Variants in FSCN2 observed in about 807,000 individuals in gnomAD.
The protein encoded by FSCN2 is fascin-2.
In FSCN2, 46 loss-of-function variants were observed where a neutral mutation model predicts 37.8. That is an observed-to-expected ratio of 1.22 (90% CI 0.96 to 1.56). FSCN2 has a LOEUF of 1.56. FSCN2 is among the 40% of genes most tolerant of loss of function. FSCN2 has a pLI of 0.00. For missense variants in FSCN2, 844 were observed against 730.4 expected, an observed-to-expected ratio of 1.16 and a Z score of -1.79; for synonymous variants, 351 against 309.4, an observed-to-expected ratio of 1.13 and a Z score of -1.41.
chr17:81,528,089 C>T (rs782726079), upstream of FSCN2, among the ~76,000 whole-genome samples: 15 of 152,046 alleles, frequency 9.9e-5, no homozygotes, highest in Admixed American at 9.2e-4. Flanking sequence ...GGAGCCCACA[C>T]GGGGTTGGAG....
chr17:81,521,363 CT>C, the FSCN2 span, among the ~76,000 whole-genome samples: 1,348 of 134,556 alleles, frequency 0.01, 6 homozygotes, highest in Non-Finnish European at 0.014. Flanking sequence ...CCAAGCCCAG[CT>C]TTTTTTTTTT....
intron 1 of FSCN2, among the ~76,000 whole-genome samples, chr17:81,532,115 G>C (rs2032673464): frequency 7.0e-6 from 1 of 143,072 alleles, no homozygotes; most frequent in African/African-American, 2.6e-5. Context: ...TAGTGATGGC[G>C]ATGATGGTGA....
chr17:81,528,068 G>A (rs112406090), upstream of FSCN2, among the ~76,000 whole-genome samples: 316 of 151,632 alleles, frequency 2.1e-3, no homozygotes, highest in African/African-American at 6.9e-3. Context: ...GGGCTGGGCC[G>A]GGCCGGGCCG....
chr17:81,536,086 G>A, intron 2 of FSCN2, 60 bp from the exon 3 acceptor site: 1 of 1,570,546 alleles, frequency 6.4e-7, no homozygotes, highest in East Asian at 2.3e-5. Flanking sequence ...GGATGGGGAA[G>A]TGAGACCCTG....
chr17:81,531,318 ATGATGGTGGTGG>A (rs2032562935), intron 1 of FSCN2, among the ~76,000 whole-genome samples: 2 of 39,902 alleles, frequency 5.0e-5, no homozygotes, highest in South Asian at 6.7e-4. Flanking sequence ...GGTGGTGGTG[ATGATGGTGGTGG>A]TGGTGATGGT....
At chr17:81,529,599 G>T in intron 1 of FSCN2, 1 of 736,354 alleles carries the variant, frequency 1.4e-6, no homozygotes, top group Non-Finnish European at 2.5e-6. Flanking sequence ...AGGGTTCCTG[G>T]CCTTTCTCAG....
rs1186586476 is a variant in FSCN2 at position 81,536,744 on chromosome 17, G to A, written c.1228G>A (p.Asp410Asn). ...NQLDTNRSVY[D>N]VFHLSFSDGA... Reference sequence around the variant, plus strand: ...GCTGGACACCAACCGCTCCGTCTACGACGTCTTCCACCTGAGCTTCAGCGA... The same window carrying A: ...GCTGGACACCAACCGCTCCGTCTACAACGTCTTCCACCTGAGCTTCAGCGA... The change falls in exon 4 of 5, where the codon GAC (aspartate) becomes AAC (asparagine). Residue 410 changes from aspartate (D) to asparagine (N), a missense_variant. Asp to Asn is a conservative substitution (Grantham distance 23). Transcript: ENST00000417245. The A allele has an allele frequency of 4.3e-6, 7 of 1,610,564 alleles. No homozygotes were observed. Among genetic ancestry groups the A allele is most frequent in the Non-Finnish European group, 5.1e-6 (6 of 1,179,108 alleles).
intron 1 of FSCN2, chr17:81,530,474 T>G (rs2032514275): frequency 2.5e-6 from 1 of 395,158 alleles, no homozygotes; most frequent in Non-Finnish European, 4.9e-6. Context: ...GGGCAGTCAC[T>G]ACCCACCTGG....
chr17:81,528,660 G>T lies in FSCN2; in HGVS notation c.129G>T (p.Lys43Asn), dbSNP rs559823034. The change falls in exon 1 of 5, where the codon AAG (lysine) becomes AAT (asparagine). Residue 43 changes from lysine (K) to asparagine (N), a missense_variant. Coordinates refer to ENST00000417245, the MANE Select transcript of FSCN2 (RefSeq NM_012418.4). ...CCTCGGCACCCAGCCTCAAGAGGAA[G>T]CAGACCTGGGTGCTGGAACCCGACC... The part of the protein sequence containing the change: ...VNASAPSLKR[K>N]QTWVLEPDPG... 7.5e-6 allele frequency: 12 copies of T among 1,602,620 alleles called. No individual in the cohort carries two copies. In the South Asian group the frequency reaches 1.1e-4, roughly 15 times the overall value.
In FSCN2 at chr17:81,536,630, GAA is replaced by G. The variant is rs887924064; in HGVS notation, c.1115_1116del (p.Glu372GlyfsTer83). ...AAISDFVGKD[E>X]EFTLKLINRP... The stretch of plus-strand genomic sequence containing the variant: ...GACGCTCTCCCCGCCAGGCAAGGAC[GAA>G]GAGTTCACCCTCAAGCTCATCAACC... On this transcript the variant is annotated frameshift_variant, in exon 4 of 5. Coordinates refer to ENST00000417245, the MANE Select transcript of FSCN2 (RefSeq NM_012418.4). LOFTEE classifies it high-confidence loss of function. The G allele has an allele frequency of 6.2e-7, 1 of 1,609,862 alleles. No homozygotes were observed. Among genetic ancestry groups the G allele is most frequent in the Admixed American group, 1.7e-5 (1 of 59,984 alleles).
chr17:81,515,078 C>G, the FSCN2 span, among the ~76,000 whole-genome samples: 1 of 146,454 alleles, frequency 6.8e-6, no homozygotes, highest in East Asian at 2.1e-4. Flanking sequence ...TGGGGAGTCC[C>G]GGGACCGACG....
In FSCN2 at chr17:81,529,372, G is replaced by A. The variant is rs782281388; in HGVS notation, c.826+15G>A. 3 of 1,522,128 alleles carry A rather than the reference G, an allele frequency of 2.0e-6. No individual in the cohort carries two copies. The highest frequency in any genetic ancestry group is 1.3e-5 in the South Asian group (1 of 76,990). The allele number at this position is 1,522,128 out of a possible 1,614,324, so 94.3% of individuals were successfully genotyped here. A position where few individuals can be genotyped will look rare whatever the true frequency, so the allele number is the denominator to read the frequency against. On this transcript the variant is annotated intron_variant, in intron 1 of 4. Transcript: ENST00000417245. ...TGTGCGGCAAGGTAGGGAGGGCACA[G>A]GTGGCGACCTCCTGAGGGGTGCTGG...
At chr17:81,536,016 G>C in intron 2 of FSCN2, 130 bp from the exon 3 acceptor site, 8 of 1,157,632 alleles carry the variant, frequency 6.9e-6, no homozygotes, top group Admixed American at 2.2e-5. Flanking sequence ...GGTAGCGCCT[G>C]ATGGTGGTGG....
At chr17:81,531,348 A>ATGG (rs1568077210) in intron 1 of FSCN2, among the ~76,000 whole-genome samples, 2 of 24,996 alleles carry the variant, frequency 8.0e-5, no homozygotes, top group Admixed American at 3.9e-4. Flanking sequence ...GGTGGTGGTG[A>ATGG]TGATGGTGAT....
At position 81,535,033 on chromosome 17, in the gene FSCN2, C is replaced by T; in HGVS notation, c.827-19C>T. The T allele has an allele frequency of 6.6e-7, 1 of 1,514,716 alleles. No individual in the cohort carries two copies. Among genetic ancestry groups the T allele is most frequent in the Non-Finnish European group, 8.8e-7 (1 of 1,134,636 alleles). 93.8% of individuals were successfully genotyped at this position (1,514,716 alleles called of 1,614,324 possible). ...TACCCAGGAGAGGCGTGAGGGGCTT[C>T]CCCATCTCCTCCCTCCAGGGGTCAA... On this transcript the variant is annotated intron_variant, in intron 1 of 4. Coordinates refer to ENST00000417245, the MANE Select transcript of FSCN2 (RefSeq NM_012418.4).
Position 81,528,782 on chromosome 17 carries a change from C to T in FSCN2, c.251C>T (p.Pro84Leu), listed in dbSNP as rs373682711. The change falls in exon 1 of 5, where the codon CCG (proline) becomes CTG (leucine). Residue 84 changes from proline to leucine, a missense_variant. Transcript: ENST00000417245. ...DGRVACEAEQPGRDCRFLVLP... is the reference protein window; with the variant it reads ...DGRVACEAEQLGRDCRFLVLP... ...CGCGTGGCCTGTGAGGCAGAGCAGC[C>T]GGGCCGTGACTGCCGCTTCCTGGTC... 193 of 1,566,790 alleles carry T rather than the reference C, an allele frequency of 1.2e-4. No homozygotes were observed. In the East Asian group the frequency reaches 1.3e-3, roughly 11 times the overall value.
At chr17:81,517,717 T>C in the FSCN2 span, among the ~76,000 whole-genome samples, 10 of 150,564 alleles carry the variant, frequency 6.6e-5, no homozygotes, top group South Asian at 1.9e-3. Context: ...GAGGGTCTGC[T>C]CTCCACCTGG....
At chr17:81,531,463 T>C (rs2032589529) in intron 1 of FSCN2, among the ~76,000 whole-genome samples, 2 of 142,426 alleles carry the variant, frequency 1.4e-5, no homozygotes, top group Non-Finnish European at 3.1e-5. Flanking sequence ...GTGATGGTGA[T>C]GATGGTGGTG....
Position 81,528,437 on chromosome 17 carries a change from C to T in FSCN2, c.-95C>T, listed in dbSNP as rs2032419677. 3.2e-6 allele frequency: 3 copies of T among 939,096 alleles called. No homozygotes were observed. In the South Asian group the frequency reaches 4.8e-5, roughly 15 times the overall value. The allele number at this position is 939,096 out of a possible 1,614,324, so 58.2% of individuals were successfully genotyped here. A position where few individuals can be genotyped will look rare whatever the true frequency, so the allele number is the denominator to read the frequency against. ...CCGGCTGGGTCTGGGGGCTGTGGGC[C>T]AGCCGAGCCGACCCGGGCTTCTGGG... On this transcript the variant is annotated 5_prime_UTR_variant, in exon 1 of 5. Transcript: ENST00000417245.
Sources: allele counts gnomAD v4.1 joint callset (sites outside exome capture counted in the v4.1 genomes callset), GRCh38; gene constraint gnomAD v4.1.1; transcripts MANE v1.5; gene names NCBI Gene and HGNC (gene_info 2026-07-23, HGNC 2026-07-21).